RBFOX1: variants seen among roughly 807,000 people sequenced by gnomAD.
RBFOX1 encodes the protein RNA binding protein fox-1 homolog 1.
Under a neutral mutation model 57.7 loss-of-function variants are expected in RBFOX1, and 8 were observed. The ratio of observed to expected loss-of-function variants is 0.14; its 90% confidence interval spans 0.08 to 0.25. The LOEUF (loss-of-function observed/expected upper bound fraction) is 0.25, where lower values mean the gene tolerates loss of function less well. Among genes scored for constraint, RBFOX1 ranks in the 10% least tolerant of loss-of-function variants. The pLI is 1.00. For missense variants in RBFOX1, 611 were observed against 548.5 expected (o/e 1.11, Z -1.14); for synonymous variants, 326 against 222.4 (o/e 1.47, Z -4.15).
At chr16:6,587,140 T>G (rs1311178004) in intron 2 of RBFOX1, among the ~76,000 whole-genome samples, 4 of 152,130 alleles carry the variant, frequency 2.6e-5, no homozygotes, top group Non-Finnish European at 4.4e-5. Flanking sequence ...TCCTCTTATC[T>G]AACTGAATTT....
intron 4 of RBFOX1, among the ~76,000 whole-genome samples, chr16:7,350,263 G>A (rs539746301): frequency 2.6e-5 from 4 of 152,302 alleles, no homozygotes; most frequent in South Asian, 2.1e-4. Context: ...GTGTACAGTC[G>A]TGGGGTATGG....
chr16:6,261,305 C>G (rs1311425434), intron 1 of RBFOX1, among the ~76,000 whole-genome samples: 2 of 152,138 alleles, frequency 1.3e-5, no homozygotes, highest in Non-Finnish European at 2.9e-5. Context: ...TCTTTGAGTC[C>G]TGGTGTTAGC....
At chr16:5,504,695 A>G (rs2043320003) in intron 2 of RBFOX1, among the ~76,000 whole-genome samples, 2 of 152,258 alleles carry the variant, frequency 1.3e-5, no homozygotes, top group Admixed American at 6.5e-5. Flanking sequence ...AGACACTGCC[A>G]TAGGCATTAA....
chr16:7,079,826 T>C (rs1426643317), intron 4 of RBFOX1, among the ~76,000 whole-genome samples: 1 of 151,998 alleles, frequency 6.6e-6, no homozygotes, highest in African/African-American at 2.4e-5. Flanking sequence ...CCATGGTTGC[T>C]AGTGGCTGTA....
At chr16:6,431,896 G>GCTTCCTTTCTTT (rs1491277692) in intron 2 of RBFOX1, among the ~76,000 whole-genome samples, 7 of 128,120 alleles carry the variant, frequency 5.5e-5, no homozygotes, top group Non-Finnish European at 1.1e-4. Flanking sequence ...TTGCTTGCTT[G>GCTTCCTTTCTTT]CTTTCTTTCT....
chr16:7,084,250 G>A (rs1567197306), intron 4 of RBFOX1, among the ~76,000 whole-genome samples: 1 of 151,744 alleles, frequency 6.6e-6, no homozygotes, highest in Non-Finnish European at 1.5e-5. Flanking sequence ...ATGTATATAT[G>A]TGTGTGTGTG....
intron 3 of RBFOX1, among the ~76,000 whole-genome samples, chr16:6,850,918 A>T (rs748196787): frequency 6.6e-6 from 1 of 152,248 alleles, no homozygotes; most frequent in African/African-American, 2.4e-5. Context: ...AACAACCTGT[A>T]TGCAAATGTT....
chr16:6,878,592 G>C (rs2062289472), intron 3 of RBFOX1, among the ~76,000 whole-genome samples: 1 of 152,126 alleles, frequency 6.6e-6, no homozygotes, highest in African/African-American at 2.4e-5. Context: ...GACACATGCA[G>C]TGTCCTCATG....
chr16:6,017,095 T>C (rs577181565), upstream of RBFOX1, among the ~76,000 whole-genome samples: 1 of 152,232 alleles, frequency 6.6e-6, no homozygotes, highest in Non-Finnish European at 1.5e-5. Flanking sequence ...GAATATGTTT[T>C]ATTTCCAATG....
intron 4 of RBFOX1, among the ~76,000 whole-genome samples, chr16:7,111,488 G>C (rs905465441): frequency 6.6e-6 from 1 of 152,152 alleles, no homozygotes; most frequent in African/African-American, 2.4e-5. Flanking sequence ...AATGAGTGCA[G>C]TGTGGAATAC....
intron 1 of RBFOX1, among the ~76,000 whole-genome samples, chr16:6,117,139 A>T (rs1264253243): frequency 1.8e-4 from 27 of 152,198 alleles, no homozygotes; most frequent in Non-Finnish European, 1.2e-4. Context: ...GCTGAGTTCC[A>T]TTCTTGGGTA....
At chr16:6,649,670 C>A (rs146894350) in intron 2 of RBFOX1, among the ~76,000 whole-genome samples, 176 of 152,252 alleles carry the variant, frequency 1.2e-3, no homozygotes, top group African/African-American at 3.9e-3. Flanking sequence ...CCAGTTCCAT[C>A]CAGGTTGCTG....
intron 4 of RBFOX1, among the ~76,000 whole-genome samples, chr16:7,222,649 C>A (rs2092814625): frequency 6.6e-6 from 1 of 152,178 alleles, no homozygotes; most frequent in South Asian, 2.1e-4. Context: ...AGTTTGTTAG[C>A]CCCCTTACCT....
At chr16:6,739,020 C>T (rs938494765) in intron 3 of RBFOX1, among the ~76,000 whole-genome samples, 1 of 152,064 alleles carries the variant, frequency 6.6e-6, no homozygotes, top group Non-Finnish European at 1.5e-5. Flanking sequence ...CCCCTAAATG[C>T]TTTCAATTTA....
At chr16:7,049,543 C>G (rs1055690596) in intron 3 of RBFOX1, among the ~76,000 whole-genome samples, 1 of 152,142 alleles carries the variant, frequency 6.6e-6, no homozygotes, top group East Asian at 1.9e-4. Context: ...AAGACAAAAC[C>G]AGAGTGCTTC....
rs141013139 is a variant in RBFOX1 at position 5,956,456 on chromosome 16, C to G, written c.351+89121C>G. On this transcript the variant is annotated intron_variant, in intron 4 of 19. Coordinates refer to the RBFOX1 transcript ENST00000641259. ...TGGCAACTCTAGATGTGGGGAGATG[C>G]AAGTTACTGTACAGTCAAATTTACA... Among the ~76,000 whole-genome samples the G allele has an allele frequency of 2.4e-3, 368 of 151,254 alleles. 8 individuals carry two copies. The highest frequency in any genetic ancestry group is 4.9e-3 in the East Asian group (25 of 5,130).
At chr16:6,599,891 A>G (rs1169200365) in intron 2 of RBFOX1, among the ~76,000 whole-genome samples, 4 of 152,230 alleles carry the variant, frequency 2.6e-5, no homozygotes, top group African/African-American at 9.6e-5. Flanking sequence ...CACCCTGCAC[A>G]TAGTAAATAT....
At chr16:6,592,187 A>C (rs545402844) in intron 2 of RBFOX1, among the ~76,000 whole-genome samples, 1 of 152,270 alleles carries the variant, frequency 6.6e-6, no homozygotes, top group East Asian at 1.9e-4. Flanking sequence ...CGTCTCTGCA[A>C]TATTTCAATT....
At chr16:6,421,019 A>C (rs2093756860) in intron 2 of RBFOX1, among the ~76,000 whole-genome samples, 1 of 152,188 alleles carries the variant, frequency 6.6e-6, no homozygotes, top group Non-Finnish European at 1.5e-5. Flanking sequence ...TTGTGATGGC[A>C]CTATTCCTCA....
Sources: allele counts gnomAD v4.1 joint callset (sites outside exome capture counted in the v4.1 genomes callset), GRCh38; gene constraint gnomAD v4.1.1; transcripts MANE v1.5; gene names NCBI Gene and HGNC (gene_info 2026-07-23, HGNC 2026-07-21).